The following GLB1L2 variants were observed in gnomAD, a reference collection of about 807,000 sequenced individuals.
GLB1L2 encodes beta-galactosidase-1-like protein 2.
GLB1L2 carries 68 observed loss-of-function variants against 84.1 expected under a neutral mutation model. That is an observed-to-expected ratio of 0.81 (90% CI 0.67 to 0.99). The LOEUF (loss-of-function observed/expected upper bound fraction) is 0.99. GLB1L2 is among the 50% of genes least tolerant of loss of function. GLB1L2 has a pLI of 0.00. For synonymous variants in GLB1L2, 290 were observed against 318.0 expected (o/e 0.91, Z 0.94); for missense variants, 762 against 805.6 (o/e 0.95, Z 0.66).
intron 14 of GLB1L2, 42 bp from the exon 15 acceptor site, chr11:134,371,710 G>A (rs770741501): frequency 1.3e-6 from 2 of 1,595,792 alleles, no homozygotes; most frequent in South Asian, 1.1e-5. Context: ...AGGGGCAGCT[G>A]TGGCCTTCTG....
chr11:134,345,276 G>C, intron 4 of GLB1L2, 147 bp downstream of exon 4: 3 of 1,015,764 alleles, frequency 3.0e-6, no homozygotes, highest in Non-Finnish European at 4.2e-6. Context: ...AGGAAAAGCA[G>C]CACCCAGAGG....
chr11:134,370,907 C>T lies in GLB1L2; in HGVS notation c.1216-101C>T. On this transcript the variant is annotated intron_variant, in intron 12 of 18. Transcript: ENST00000535456. The surrounding 1 kb of genome is among the most constrained non-coding windows in gnomAD (Gnocchi z 4.7). ...AGAAGTCAAAGTAGAAAACACCCACCAAACCTCCGCTTCCACCCCATGTGC... is the reference window on the plus strand; with the variant it reads ...AGAAGTCAAAGTAGAAAACACCCACTAAACCTCCGCTTCCACCCCATGTGC... 1 of 1,363,374 alleles carries T rather than the reference C, an allele frequency of 7.3e-7. No individual in the cohort carries two copies. The highest frequency in any genetic ancestry group is 1.0e-6 in the Non-Finnish European group (1 of 983,466). The allele number at this position is 1,363,374 out of a possible 1,614,324, so 84.5% of individuals were successfully genotyped here.
Position 134,371,482 on chromosome 11 carries a change from C to A in GLB1L2, c.1418C>A (p.Pro473His). The stretch of plus-strand genomic sequence containing the variant: ...TACAAGACAACGAAGATTGCTGTCC[C>A]CCTGATCCAGGTTCGTTGTTTTTGG... ...LDYKTTKIAV[P>H]LIQGYTVLRI... The change falls in exon 14 of 19, where the codon CCC (proline) becomes CAC (histidine). Residue 473 changes from proline to histidine, a missense_variant. Physicochemically the swap from Pro to His is moderately conservative, Grantham distance 77 (BLOSUM62 -2). This residue lies in a region of GLB1L2 where 603 missense variants were observed against 611.7 expected (regional missense o/e 0.99). Transcript: ENST00000535456. 6.3e-7 allele frequency: 1 copy of A among 1,586,146 alleles called. No homozygotes were observed. Among genetic ancestry groups the A allele is most frequent in the Non-Finnish European group, 8.7e-7 (1 of 1,154,574 alleles).
intron 1 of GLB1L2, among the ~76,000 whole-genome samples, chr11:134,335,435 T>A (rs2136254212): frequency 6.6e-6 from 1 of 152,228 alleles, no homozygotes; most frequent in South Asian, 2.1e-4. Flanking sequence ...AGTAGTAAAG[T>A]TTTCAGCATC....
At chr11:134,374,942 T>G (rs757633561) in intron 18 of GLB1L2, 30 bp from the exon 19 acceptor site, 183 of 1,600,188 alleles carry the variant, frequency 1.1e-4, no homozygotes, top group East Asian at 2.0e-4. Context: ...AGACGTCAGC[T>G]GCCCTCCCAG....
intron 1 of GLB1L2, among the ~76,000 whole-genome samples, chr11:134,332,702 G>A (rs1319892375): frequency 6.6e-6 from 1 of 152,160 alleles, no homozygotes; most frequent in Non-Finnish European, 1.5e-5. Context: ...CAGTAGGACT[G>A]ATAGGTCGTC....
chr11:134,335,027 GA>G (rs2136253590), intron 1 of GLB1L2, among the ~76,000 whole-genome samples: 1 of 152,282 alleles, frequency 6.6e-6, no homozygotes, highest in African/African-American at 2.4e-5. Flanking sequence ...AAAGTTGGGA[GA>G]GGGGAAAGCC....
chr11:134,369,285 T>C lies in GLB1L2; in HGVS notation c.1027+504T>C, dbSNP rs1422801319. 2.0e-5 allele frequency among the ~76,000 whole-genome samples: 3 copies of C among 152,200 alleles called. No homozygotes were observed. In the South Asian group the frequency reaches 6.2e-4, roughly 32 times the overall value. ...ATAGCTCACTGCAGCCTCAAATACC[T>C]GGGCTCAAGTGATCCTCCTGCTTCG... On this transcript the variant is annotated intron_variant, in intron 10 of 18. Coordinates refer to ENST00000535456, the MANE Select transcript of GLB1L2 (RefSeq NM_001370461.1).
At chr11:134,345,630 G>A (rs561052170) in intron 4 of GLB1L2, among the ~76,000 whole-genome samples, 4 of 152,082 alleles carry the variant, frequency 2.6e-5, no homozygotes, top group African/African-American at 4.8e-5. Flanking sequence ...GCCACCACGC[G>A]CAGCTAATTT....
chr11:134,357,391 A>T (rs1201257458), intron 6 of GLB1L2, among the ~76,000 whole-genome samples: 2 of 152,208 alleles, frequency 1.3e-5, no homozygotes, highest in East Asian at 3.9e-4. Context: ...CGTGTCCAGG[A>T]AGGGTGGCAT....
chr11:134,344,388 T>C lies in GLB1L2; in HGVS notation c.286T>C (p.Tyr96His), dbSNP rs750614683. The change falls in exon 3 of 19, where the codon TAT becomes CAT. Residue 96 changes from tyrosine (Y) to histidine (H), a missense_variant and splice_region_variant. Physicochemically the swap from Tyr to His is moderately conservative, Grantham distance 83. Transcript: ENST00000535456. ...CTATAATTATCATTTCTGTTGCAGC[T>C]ATGTTCCGTGGAACCTGCATGAGCC... is the stretch of plus-strand genomic sequence containing the variant. ...KACGLNTLTT[Y>H]VPWNLHEPER... 1 of 1,613,914 alleles carries C rather than the reference T, an allele frequency of 6.2e-7. No homozygotes were observed. The highest frequency in any genetic ancestry group is 2.2e-5 in the East Asian group (1 of 44,880).
intron 3 of GLB1L2, 91 bp from the exon 4 acceptor site, chr11:134,344,943 A>G (rs1275780420): frequency 7.0e-7 from 1 of 1,432,730 alleles, no homozygotes; most frequent in African/African-American, 1.4e-5. Flanking sequence ...TCGCCCCACC[A>G]GGCAGCTCCT....
intron 1 of GLB1L2, among the ~76,000 whole-genome samples, chr11:134,341,429 C>G (rs1341543795): frequency 6.6e-6 from 1 of 152,190 alleles, no homozygotes; most frequent in Non-Finnish European, 1.5e-5. Context: ...CCGGATCTTC[C>G]TATTCCAGCT....
Position 134,376,172 on chromosome 11 carries a change from C to A in GLB1L2, c.*1114C>A, listed in dbSNP as rs975288669. On this transcript the variant is annotated 3_prime_UTR_variant, in exon 19 of 19. Transcript: ENST00000535456. ...AGAAGGCCCAGCTCAGTGGCCCCCG[C>A]CCCCCACCCCCCACGCCCGAACAGC... 1 of 148,004 alleles carries A rather than the reference C, an allele frequency of 6.8e-6. No homozygotes were observed. Among genetic ancestry groups the A allele is most frequent in the Non-Finnish European group, 1.5e-5 (1 of 67,176 alleles). 9.2% of individuals were successfully genotyped at this position (148,004 alleles called of 1,614,324 possible).
At chr11:134,332,292 C>T (rs1008825770) in intron 1 of GLB1L2, 145 bp downstream of exon 1, 1 of 559,884 alleles carries the variant, frequency 1.8e-6, no homozygotes, top group African/African-American at 2.0e-5. Context: ...TCCCCAATAC[C>T]CCCGAGTTCC....
intron 8 of GLB1L2, among the ~76,000 whole-genome samples, chr11:134,366,244 G>A (rs1943866144): frequency 6.6e-6 from 1 of 152,188 alleles, no homozygotes; most frequent in Non-Finnish European, 1.5e-5. Context: ...TTTAAACGTG[G>A]TATGGTATGT....
intron 10 of GLB1L2, among the ~76,000 whole-genome samples, chr11:134,369,551 G>C (rs1943916682): frequency 1.3e-5 from 2 of 152,172 alleles, no homozygotes; most frequent in African/African-American, 4.8e-5. Flanking sequence ...CACTGCACAA[G>C]CGATCCTCCT....
At chr11:134,363,828 G>A (rs1006633849) in intron 7 of GLB1L2, among the ~76,000 whole-genome samples, 2 of 152,126 alleles carry the variant, frequency 1.3e-5, no homozygotes, top group South Asian at 2.1e-4. Context: ...CTGCTGTGGC[G>A]GAGTCTCCAA....
At chr11:134,342,237 G>A (rs1354411167) in intron 1 of GLB1L2, among the ~76,000 whole-genome samples, 1 of 152,108 alleles carries the variant, frequency 6.6e-6, no homozygotes, top group African/African-American at 2.4e-5. Flanking sequence ...GTCACCTCGT[G>A]GGGGGTGCGC....
Sources: allele counts gnomAD v4.1 joint callset (sites outside exome capture counted in the v4.1 genomes callset), GRCh38; gene constraint gnomAD v4.1.1; regional missense constraint gnomAD v4.1.1; non-coding constraint Gnocchi (gnomAD v3.1); transcripts MANE v1.5; gene names NCBI Gene and HGNC (gene_info 2026-07-23, HGNC 2026-07-21).